Variants in HIPK2 observed in about 807,000 individuals in gnomAD.
The protein encoded by HIPK2 is homeodomain-interacting protein kinase 2.
A neutral mutation model predicts 113.7 loss-of-function variants in HIPK2; 27 were observed. The ratio of observed to expected loss-of-function variants is 0.24; its 90% CI spans 0.17 to 0.33. The LOEUF (loss-of-function observed/expected upper bound fraction) is 0.33, where lower values mean the gene tolerates loss of function less well. HIPK2 is among the 10% of genes least tolerant of loss of function. The pLI is 1.00. For missense variants in HIPK2, 1,257 were observed against 1,588.0 expected (o/e 0.79, Z 3.54); for synonymous variants, 631 against 642.2 (o/e 0.98, Z 0.26).
intron 5 of HIPK2, among the ~76,000 whole-genome samples, chr7:139,628,637 T>C (rs1163672225): frequency 4.6e-5 from 7 of 152,196 alleles, no homozygotes; most frequent in Admixed American, 3.3e-4. Flanking sequence ...TTTCGCCATG[T>C]TGGCCAGGCT....
chr7:139,761,098 C>T (rs1464079053), intron 1 of HIPK2, among the ~76,000 whole-genome samples: 3 of 152,188 alleles, frequency 2.0e-5, no homozygotes, highest in Non-Finnish European at 4.4e-5. Context: ...AAACTCCTTA[C>T]TGTGAAAGTT....
In HIPK2 at chr7:139,714,338, G is replaced by C. The variant is rs768666932; in HGVS notation, c.1103+1594C>G. ...GTGTGAGTCAGGATTAGGATGAAAG[G>C]AGACGGGGTGGAAGGTGGGAGGGCA... On this transcript the variant is annotated intron_variant, in intron 2 of 14. Transcript: ENST00000406875. The surrounding 1 kb of genome is among the most constrained non-coding windows in gnomAD (Gnocchi z 4.2). Among the ~76,000 whole-genome samples the C allele has an allele frequency of 7.2e-5, 11 of 152,214 alleles. No individual in the cohort carries two copies. Among genetic ancestry groups the C allele is most frequent in the East Asian group, 1.9e-4 (1 of 5,184 alleles).
At chr7:139,645,666 G>A (rs962474213) in intron 2 of HIPK2, among the ~76,000 whole-genome samples, 1 of 152,184 alleles carries the variant, frequency 6.6e-6, no homozygotes, top group Admixed American at 6.5e-5. Flanking sequence ...TGAGTGCGGT[G>A]AGGGGAGCCA....
At chr7:139,694,850 G>A (rs1429691715) in intron 2 of HIPK2, among the ~76,000 whole-genome samples, 1 of 152,224 alleles carries the variant, frequency 6.6e-6, no homozygotes, top group Admixed American at 6.5e-5. Flanking sequence ...TATGGGGCAA[G>A]GCAATGGCCT....
chr7:139,682,897 C>A lies in HIPK2; in HGVS notation c.1103+33035G>T, dbSNP rs987455675. ...TGGCCCCTCTTGCCCCTTGTCCCCT[C>A]CTCTGTAGGACAGTGGAGGGCCCCC... On this transcript the variant is annotated intron_variant, in intron 2 of 14. Coordinates refer to ENST00000406875, the MANE Select transcript of HIPK2 (RefSeq NM_022740.5). Among the ~76,000 whole-genome samples, 7 of 152,214 alleles carry A rather than the reference C, an allele frequency of 4.6e-5. No homozygotes were observed. The East Asian group carries it at 1.4e-3, about 29-fold the overall frequency.
rs544042609 is a variant in HIPK2, at chr7:139,724,564, G to A, written c.20-7549C>T. On this transcript the variant is annotated intron_variant, in intron 1 of 14. Transcript: ENST00000406875. ...TTATTATTATACTTTAAGTTTTAGGGTACATGTGCACAATGTGCAGGTTAG... is the reference window on the plus strand; with the variant it reads ...TTATTATTATACTTTAAGTTTTAGGATACATGTGCACAATGTGCAGGTTAG... 7.9e-5 allele frequency among the ~76,000 whole-genome samples: 12 copies of A among 151,870 alleles called. No individual in the cohort carries two copies. In the South Asian group the frequency reaches 8.3e-4, roughly 11 times the overall value.
chr7:139,575,812 TGA>T (rs1798472476), intron 13 of HIPK2, among the ~76,000 whole-genome samples: 3 of 152,214 alleles, frequency 2.0e-5, no homozygotes, highest in Non-Finnish European at 4.4e-5. Flanking sequence ...GGTTAGCTAT[TGA>T]GAGATTGGCT....
chr7:139,635,746 G>T (rs1377330840), intron 2 of HIPK2, among the ~76,000 whole-genome samples: 1 of 152,092 alleles, frequency 6.6e-6, no homozygotes, highest in African/African-American at 2.4e-5. Context: ...AGGACAACTC[G>T]AGTCGAATAC....
At chr7:139,585,378 TGGG>T (rs1327098700) in intron 12 of HIPK2, among the ~76,000 whole-genome samples, 1 of 152,212 alleles carries the variant, frequency 6.6e-6, no homozygotes, top group Admixed American at 6.5e-5. Context: ...CTGGGGGATC[TGGG>T]GGGTGCAGTC....
intron 2 of HIPK2, among the ~76,000 whole-genome samples, chr7:139,641,141 G>C (rs541191214): frequency 1.3e-5 from 2 of 152,262 alleles, no homozygotes; most frequent in East Asian, 3.9e-4. Context: ...GAGGTAGGTG[G>C]ATCACCTGAG....
chr7:139,589,627 A>G (rs957531142), intron 12 of HIPK2, among the ~76,000 whole-genome samples: 3 of 152,210 alleles, frequency 2.0e-5, no homozygotes, highest in African/African-American at 7.2e-5. Context: ...TTGTCACTGA[A>G]GAATGGCTTT....
intron 1 of HIPK2, among the ~76,000 whole-genome samples, chr7:139,729,324 T>TGAGAGAGAGAGAGAGAGA (rs71170912): frequency 8.7e-5 from 6 of 69,198 alleles, no homozygotes; most frequent in African/African-American, 1.9e-4. Context: ...ACCCTGTCTC[T>TGAGAGAGAGAGAGAGAGA]GAGAGAGAGA....
intron 2 of HIPK2, among the ~76,000 whole-genome samples, chr7:139,633,826 T>A (rs1022488978): frequency 4.6e-5 from 7 of 151,848 alleles, no homozygotes; most frequent in African/African-American, 1.7e-4. Flanking sequence ...AGGTCTGTAA[T>A]CCCAGCTATT....
chr7:139,645,497 T>C (rs1403781937), intron 2 of HIPK2, among the ~76,000 whole-genome samples: 2 of 152,150 alleles, frequency 1.3e-5, no homozygotes, highest in Non-Finnish European at 2.9e-5. Flanking sequence ...TCTCCCCCAC[T>C]GCACTGTGTG....
chr7:139,596,549 G>T, intron 12 of HIPK2, 168 bp downstream of exon 12: 1 of 429,092 alleles, frequency 2.3e-6, no homozygotes, highest in Non-Finnish European at 3.1e-6. Flanking sequence ...TGGAAAACCT[G>T]TTTGACATTC....
intron 2 of HIPK2, among the ~76,000 whole-genome samples, chr7:139,663,872 A>C (rs972196549): frequency 6.6e-6 from 1 of 152,190 alleles, no homozygotes; most frequent in Admixed American, 6.5e-5. Context: ...AAGCCCACCC[A>C]TAATGCCGGC....
rs558020322 is a variant in HIPK2, at chr7:139,753,089, G to C, written c.19+24516C>G. On this transcript the variant is annotated intron_variant, in intron 1 of 14. Coordinates refer to ENST00000406875, the MANE Select transcript of HIPK2 (RefSeq NM_022740.5). ...CTCTTTACAGTAGTCAGATGGGCATGGTTGTTTTCTATTCCATTCTTGGCT... is the reference window on the plus strand; with the variant it reads ...CTCTTTACAGTAGTCAGATGGGCATCGTTGTTTTCTATTCCATTCTTGGCT... 1.1e-4 allele frequency among the ~76,000 whole-genome samples: 16 copies of C among 152,296 alleles called. No individual in the cohort carries two copies. In the South Asian group the frequency reaches 3.1e-3, roughly 30 times the overall value.
chr7:139,652,680 T>C (rs1801505575), intron 2 of HIPK2, among the ~76,000 whole-genome samples: 1 of 152,188 alleles, frequency 6.6e-6, no homozygotes, highest in South Asian at 2.1e-4. Flanking sequence ...TGAACTCTAG[T>C]AGACCTCAGC....
At chr7:139,610,957 A>C (rs1294833538) in intron 9 of HIPK2, among the ~76,000 whole-genome samples, 1 of 152,242 alleles carries the variant, frequency 6.6e-6, no homozygotes, top group Admixed American at 6.5e-5. Context: ...GGATCCAGTC[A>C]GATCATGCCT....
Sources: allele counts gnomAD v4.1 joint callset (sites outside exome capture counted in the v4.1 genomes callset), GRCh38; gene constraint gnomAD v4.1.1; non-coding constraint Gnocchi (gnomAD v3.1); transcripts MANE v1.5; gene names NCBI Gene and HGNC (gene_info 2026-07-23, HGNC 2026-07-21).